SLC12A1: variants seen among roughly 807,000 people sequenced by gnomAD.
SLC12A1 encodes solute carrier family 12 member 1, also known as Na-K-2Cl cotransporter.
A neutral mutation model predicts 130.4 loss-of-function variants in SLC12A1; 89 were observed. The ratio of observed to expected loss-of-function variants is 0.68; its 90% CI spans 0.58 to 0.81. The LOEUF (loss-of-function observed/expected upper bound fraction) is 0.81, where lower values mean the gene tolerates loss of function less well. Ranked by LOEUF, SLC12A1 falls within the 40% of genes least tolerant of loss-of-function variation. The probability of loss-of-function intolerance (pLI) is 0.00; values close to 1 mark genes in which losing one functional copy is unlikely to be tolerated. For missense variants in SLC12A1, 1,310 were observed against 1,336.4 expected, an observed-to-expected ratio of 0.98 and a Z score of 0.31; for synonymous variants, 499 against 460.0, an observed-to-expected ratio of 1.08 and a Z score of -1.09.
At chr15:48,282,391 T>A (rs986957785) in intron 20 of SLC12A1, among the ~76,000 whole-genome samples, 1 of 152,074 alleles carries the variant, frequency 6.6e-6, no homozygotes, top group Non-Finnish European at 1.5e-5. Flanking sequence ...GCTGACTCCA[T>A]TACAAAAGAG....
intron 9 of SLC12A1, among the ~76,000 whole-genome samples, chr15:48,239,198 T>A (rs2041472879): frequency 6.6e-6 from 1 of 152,166 alleles, no homozygotes; most frequent in South Asian, 2.1e-4. Flanking sequence ...TATATTGGCA[T>A]CCAGATTTCT....
intron 20 of SLC12A1, among the ~76,000 whole-genome samples, chr15:48,277,312 T>A (rs561852026): frequency 1.3e-5 from 2 of 151,710 alleles, no homozygotes; most frequent in South Asian, 2.1e-4. Context: ...CATAAAAAAA[T>A]TAAAAAATTT....
At chr15:48,264,347 C>A (rs2041808108) in intron 17 of SLC12A1, among the ~76,000 whole-genome samples, 1 of 151,916 alleles carries the variant, frequency 6.6e-6, no homozygotes, top group African/African-American at 2.4e-5. Flanking sequence ...TTGAGGAGTT[C>A]TCAATAAATC....
intron 1 of SLC12A1, among the ~76,000 whole-genome samples, chr15:48,206,692 T>C (rs1485321242): frequency 6.6e-6 from 1 of 152,202 alleles, no homozygotes; most frequent in Non-Finnish European, 1.5e-5. Flanking sequence ...CGAAAATTAT[T>C]GTGAAGTCTA....
Position 48,287,745 on chromosome 15 carries a change from C to T in SLC12A1, c.2630-298C>T, listed in dbSNP as rs187412340. 2.0e-3 allele frequency among the ~76,000 whole-genome samples: 300 copies of T among 152,220 alleles called. 4 individuals are homozygous for T. The highest frequency in any genetic ancestry group is 0.016 in the Admixed American group (247 of 15,298). ...TTGTTGCATGCCTAAATAATAACTC[C>T]ACTCTGAGACAGATTACTAAAGGTC... On this transcript the variant is annotated intron_variant, in intron 21 of 26. Transcript: ENST00000380993.
chr15:48,279,585 G>C (rs1203262677), intron 20 of SLC12A1, among the ~76,000 whole-genome samples: 1 of 152,090 alleles, frequency 6.6e-6, no homozygotes, highest in Non-Finnish European at 1.5e-5. Context: ...ATGACTGATA[G>C]TTTCTCTTAA....
intron 13 of SLC12A1, among the ~76,000 whole-genome samples, chr15:48,248,649 G>T (rs2041611034): frequency 6.6e-6 from 1 of 152,204 alleles, no homozygotes; most frequent in African/African-American, 2.4e-5. Context: ...ATAGATGTCT[G>T]ACCTTCAGAT....
rs371703653 is a variant in SLC12A1 at position 48,244,701 on chromosome 15, G to T, written c.1301-52G>T. 65 of 1,594,058 alleles carry T rather than the reference G, an allele frequency of 4.1e-5. No individual in the cohort carries two copies. In the Admixed American group the frequency reaches 8.8e-4, roughly 22 times the overall value. ...TAAACTACGTTTTCAGTAGAAAACC[G>T]TAAGGGACCAGAACTTTATAAAGAA... On this transcript the variant is annotated intron_variant, in intron 10 of 26. Transcript: ENST00000380993.
intron 10 of SLC12A1, among the ~76,000 whole-genome samples, chr15:48,243,903 A>G (rs573174754): frequency 6.6e-6 from 1 of 152,238 alleles, no homozygotes; most frequent in Non-Finnish European, 1.5e-5. Context: ...AAGTTTATAT[A>G]TACTTCACAC....
At chr15:48,267,237 A>T (rs975440402) in intron 17 of SLC12A1, among the ~76,000 whole-genome samples, 6 of 152,122 alleles carry the variant, frequency 3.9e-5, no homozygotes, top group Admixed American at 6.6e-5. Context: ...TTGATTGTGT[A>T]TTTATCCTAA....
intron 15 of SLC12A1, among the ~76,000 whole-genome samples, chr15:48,254,433 T>G (rs903229884): frequency 5.9e-5 from 9 of 151,688 alleles, no homozygotes; most frequent in Middle Eastern, 3.4e-3. Flanking sequence ...AATATTGATC[T>G]TCTTTATCTC....
At chr15:48,212,007 A>G (rs2041057396) in intron 2 of SLC12A1, among the ~76,000 whole-genome samples, 3 of 152,288 alleles carry the variant, frequency 2.0e-5, no homozygotes, top group Admixed American at 2.0e-4. Flanking sequence ...ACTGTCCTTT[A>G]CTTGCTCTCT....
At chr15:48,222,317 A>T (rs896678514) in intron 4 of SLC12A1, 1 of 152,248 alleles carries the variant, frequency 6.6e-6, no homozygotes, top group Non-Finnish European at 1.5e-5. Flanking sequence ...TTTAACATCC[A>T]TACGTTTGGG....
At chr15:48,278,044 A>G (rs957100080) in intron 20 of SLC12A1, among the ~76,000 whole-genome samples, 1 of 152,162 alleles carries the variant, frequency 6.6e-6, no homozygotes, top group Non-Finnish European at 1.5e-5. Flanking sequence ...GACATTTTAA[A>G]TCTCCAGATC....
chr15:48,220,761 T>A lies in SLC12A1; in HGVS notation c.548T>A (p.Val183Glu). The A allele has an allele frequency of 6.2e-7, 1 of 1,613,968 alleles. No homozygotes were observed. The highest frequency in any genetic ancestry group is 8.5e-7 in the Non-Finnish European group (1 of 1,179,880). The change falls in exon 3 of 27, where the codon GTG (valine) becomes GAG (glutamate). Residue 183 changes from valine (V) to glutamate (E), a missense_variant. Physicochemically the swap from Val to Glu is moderately radical, Grantham distance 121. Coordinates refer to ENST00000380993, the MANE Select transcript of SLC12A1 (RefSeq NM_000338.3). ...GVVKFGWVKG[V>E]LVRCMLNIWG... ...GTGAAGTTTGGATGGGTGAAAGGTG[T>A]GCTGGTGAGAAAGCTCTTCTGTTTA...
intron 17 of SLC12A1, among the ~76,000 whole-genome samples, chr15:48,260,434 C>T (rs576264644): frequency 2.0e-5 from 3 of 151,414 alleles, no homozygotes; most frequent in African/African-American, 7.3e-5. Context: ...TAAGTACTTA[C>T]GTATTCTTCA....
At chr15:48,245,859 T>C (rs944235060) in intron 11 of SLC12A1, among the ~76,000 whole-genome samples, 1 of 152,220 alleles carries the variant, frequency 6.6e-6, no homozygotes, top group South Asian at 2.1e-4. Context: ...ATTTCATACA[T>C]GGCCTTCAGC....
intron 20 of SLC12A1, among the ~76,000 whole-genome samples, chr15:48,278,804 T>A (rs1383375455): frequency 6.6e-6 from 1 of 152,232 alleles, no homozygotes; most frequent in Non-Finnish European, 1.5e-5. Flanking sequence ...CTGAAAGATG[T>A]GATGTAGCTG....
intron 16 of SLC12A1, among the ~76,000 whole-genome samples, chr15:48,257,795 T>C (rs1029219268): frequency 4.6e-5 from 7 of 152,204 alleles, no homozygotes; most frequent in Non-Finnish European, 1.0e-4. Context: ...TTCTCTGACA[T>C]GCCCCGGAAA....
Sources: allele counts gnomAD v4.1 joint callset (sites outside exome capture counted in the v4.1 genomes callset), GRCh38; gene constraint gnomAD v4.1.1; transcripts MANE v1.5; gene names NCBI Gene and HGNC (gene_info 2026-07-23, HGNC 2026-07-21).